The following TRIM51G variants were observed in gnomAD, a reference collection of about 807,000 sequenced individuals.
TRIM51G encodes the protein tripartite motif-containing protein 51G.
At chr11:48,979,335 G>T in the TRIM51G span, among the ~76,000 whole-genome samples, 1,039 of 152,174 alleles carry the variant, frequency 6.8e-3, 15 homozygotes, top group African/African-American at 0.023. Flanking sequence ...GTATAAAAAT[G>T]GATTTCTCTC....
the TRIM51G span, chr11:48,978,867 C>G: frequency 2.4e-6 from 3 of 1,250,858 alleles, no homozygotes; most frequent in South Asian, 1.2e-5. Context: ...ATGGTCAGTC[C>G]GTACCTGGAA....
At chr11:48,982,482 G>C in the TRIM51G span, among the ~76,000 whole-genome samples, 43 of 152,050 alleles carry the variant, frequency 2.8e-4, no homozygotes, top group Non-Finnish European at 3.5e-4. Flanking sequence ...TGTTTGCAGA[G>C]AGACATGTAA....
chr11:48,977,215 CA>C, the TRIM51G span: 2 of 961,018 alleles, frequency 2.1e-6, no homozygotes, highest in Non-Finnish European at 3.4e-6. Context: ...ACCATATCAA[CA>C]GCCAAAAAAA....
At chr11:48,976,629 TAA>T in the TRIM51G span, among the ~76,000 whole-genome samples, 1 of 152,054 alleles carries the variant, frequency 6.6e-6, no homozygotes, top group Non-Finnish European at 1.5e-5. Context: ...TTTTATATAT[TAA>T]GTCAAAATTT....
At chr11:48,978,790 G>C in the TRIM51G span, 2 of 685,914 alleles carry the variant, frequency 2.9e-6, no homozygotes, top group South Asian at 3.2e-5. Context: ...GGAAGTAAAG[G>C]GGGAGACGGA....
At chr11:48,975,782 T>C in the TRIM51G span, 1 of 1,552,668 alleles carries the variant, frequency 6.4e-7, no homozygotes, top group African/African-American at 1.4e-5. Context: ...CAATAATTGT[T>C]ACAGACACCA....
At chr11:48,979,042 A>C in the TRIM51G span, 3 of 975,156 alleles carry the variant, frequency 3.1e-6, no homozygotes, top group Non-Finnish European at 5.0e-6. Flanking sequence ...TCTTCATGGA[A>C]AAATGCAACC....
At chr11:48,981,605 C>T in the TRIM51G span, 3 of 1,600,804 alleles carry the variant, frequency 1.9e-6, no homozygotes, top group South Asian at 2.2e-5. Flanking sequence ...AAGCTGTGCC[C>T]ACAGTCTATG....
At chr11:48,983,225 C>G in the TRIM51G span, among the ~76,000 whole-genome samples, 5 of 136,358 alleles carry the variant, frequency 3.7e-5, no homozygotes, top group Admixed American at 3.8e-4. Flanking sequence ...ATGACAACTA[C>G]TATCAAGTAT....
the TRIM51G span, among the ~76,000 whole-genome samples, chr11:48,976,505 C>A: frequency 6.6e-6 from 1 of 152,128 alleles, no homozygotes; most frequent in Admixed American, 6.6e-5. Context: ...GCAGACATCC[C>A]TGCTAGCTCT....
the TRIM51G span, chr11:48,975,917 C>A: frequency 1.3e-6 from 1 of 754,492 alleles, no homozygotes; most frequent in South Asian, 1.3e-5. Flanking sequence ...TGTTGAGGGT[C>A]ACATCCAACC....
chr11:48,981,845 A>T, the TRIM51G span: 11 of 918,224 alleles, frequency 1.2e-5, no homozygotes, highest in African/African-American at 8.3e-5. Flanking sequence ...AAAATGAAAA[A>T]TTCATACACA....
At chr11:48,982,956 CATATAT>C in the TRIM51G span, among the ~76,000 whole-genome samples, 2 of 33,058 alleles carry the variant, frequency 6.0e-5, no homozygotes, top group African/African-American at 2.0e-4. Flanking sequence ...GGTATATATA[CATATAT>C]ATATATATAT....
chr11:48,978,930 C>T, the TRIM51G span: 1 of 1,587,912 alleles, frequency 6.3e-7, no homozygotes. Flanking sequence ...ATACATTCCT[C>T]TTAAAAGCTC....
At chr11:48,975,672 G>T in the TRIM51G span, 1 of 1,459,656 alleles carries the variant, frequency 6.9e-7, no homozygotes, top group Non-Finnish European at 9.6e-7. Flanking sequence ...TTACAAGTGG[G>T]GAGGTGGTAA....
chr11:48,977,607 T>G, the TRIM51G span, among the ~76,000 whole-genome samples: 6 of 152,146 alleles, frequency 3.9e-5, no homozygotes, highest in Admixed American at 2.6e-4. Context: ...CTGCCTTTAA[T>G]AGTTGAGGTT....
At chr11:48,980,866 C>T in the TRIM51G span, 13 of 468,246 alleles carry the variant, frequency 2.8e-5, no homozygotes, top group Non-Finnish European at 5.3e-5. Context: ...CATTTGTTCA[C>T]CATAAGTTCC....
the TRIM51G span, chr11:48,977,282 C>T: frequency 1.6e-6 from 1 of 611,762 alleles, no homozygotes. Context: ...CCCTTTAACC[C>T]ACACATTTGC....
the TRIM51G span, among the ~76,000 whole-genome samples, chr11:48,976,625 A>G: frequency 6.6e-6 from 1 of 151,942 alleles, no homozygotes; most frequent in East Asian, 1.9e-4. Flanking sequence ...TTCTTTTTAT[A>G]TATTAAGTCA....
Sources: allele counts gnomAD v4.1 joint callset (sites outside exome capture counted in the v4.1 genomes callset), GRCh38; gene constraint gnomAD v4.1.1; transcripts MANE v1.5; gene names NCBI Gene and HGNC (gene_info 2026-07-23, HGNC 2026-07-21).